Variants in GLIS3 observed in about 807,000 individuals in gnomAD.
GLIS3 encodes the protein zinc finger protein GLIS3.
GLIS3 carries 53 observed loss-of-function variants against 78.6 expected under a neutral mutation model. That is an observed-to-expected ratio of 0.67 (90% CI 0.54 to 0.85). GLIS3 has a LOEUF of 0.85. GLIS3 is among the 40% of genes least tolerant of loss of function. The pLI, the probability that GLIS3 is intolerant of heterozygous loss-of-function variation, is 0.00. For synonymous variants in GLIS3, 684 were observed against 509.9 expected (o/e 1.34, Z -4.60); for missense variants, 1,703 against 1,231.1 (o/e 1.38, Z -5.74).
rs572543001 is a variant in GLIS3 at position 3,843,640 on chromosome 9, T to C, written c.2473+12369A>G. ...ACTAGGCACTGATAAAAATTATGTA[T>C]GTAAGAGTGATTTATAAAACATATA... On this transcript the variant is annotated intron_variant, in intron 9 of 10. Transcript: ENST00000381971. Among the ~76,000 whole-genome samples the C allele has an allele frequency of 2.0e-5, 3 of 152,316 alleles. No homozygotes were observed. The South Asian group carries it at 6.2e-4, about 32-fold the overall frequency.
At chr9:4,319,440 G>C (rs542282538) in intron 2 of GLIS3, among the ~76,000 whole-genome samples, 2 of 152,260 alleles carry the variant, frequency 1.3e-5, no homozygotes, top group East Asian at 3.9e-4. Flanking sequence ...ACTTTTCTGA[G>C]AACTTGACGT....
At chr9:4,262,831 T>C (rs142797104) in intron 2 of GLIS3, among the ~76,000 whole-genome samples, 10 of 151,430 alleles carry the variant, frequency 6.6e-5, no homozygotes, top group East Asian at 1.9e-4. Context: ...AGATATGACT[T>C]CACCGAAAGG....
the GLIS3 span, among the ~76,000 whole-genome samples, chr9:4,414,474 G>A: frequency 1.3e-5 from 2 of 152,174 alleles, no homozygotes; most frequent in African/African-American, 4.8e-5. Flanking sequence ...AGTTGTCTCA[G>A]TGATATTGGG....
the GLIS3 span, among the ~76,000 whole-genome samples, chr9:4,487,688 CT>C: frequency 0.31 from 44,711 of 146,290 alleles, 7,123 homozygotes; most frequent in East Asian, 0.58. Context: ...ATGGTCAACA[CT>C]TTTTTTTTTT....
intron 2 of GLIS3, among the ~76,000 whole-genome samples, chr9:4,132,772 G>A (rs138802187): frequency 7.9e-5 from 12 of 152,258 alleles, no homozygotes; most frequent in South Asian, 2.1e-4. Context: ...ATGATCATAC[G>A]AGAGCAATTT....
the GLIS3 span, among the ~76,000 whole-genome samples, chr9:4,487,984 G>T: frequency 6.6e-6 from 1 of 152,116 alleles, no homozygotes; most frequent in African/African-American, 2.4e-5. Context: ...GAGCCAACAC[G>T]CCCAGCTCTA....
At chr9:4,154,894 T>C (rs1157533795) in intron 2 of GLIS3, among the ~76,000 whole-genome samples, 1 of 152,184 alleles carries the variant, frequency 6.6e-6, no homozygotes, top group Non-Finnish European at 1.5e-5. Context: ...CAAACTTGAC[T>C]AAACAAATTA....
At chr9:4,097,131 T>C (rs4740750) in intron 4 of GLIS3, among the ~76,000 whole-genome samples, 18,252 of 152,230 alleles carry the variant, frequency 0.12, 1,183 homozygotes, top group Non-Finnish European at 0.15. Flanking sequence ...TTCCTCCCAT[T>C]AGGGCCCTAA....
chr9:4,462,910 C>G, the GLIS3 span, among the ~76,000 whole-genome samples: 112 of 152,266 alleles, frequency 7.4e-4, 1 homozygote, highest in African/African-American at 2.6e-3. Flanking sequence ...AAATATTGCA[C>G]TTAAAGTGAT....
the GLIS3 span, among the ~76,000 whole-genome samples, chr9:4,465,812 CAT>C: frequency 2.6e-5 from 4 of 152,150 alleles, no homozygotes; most frequent in Non-Finnish European, 4.4e-5. Flanking sequence ...AACTAAGTAA[CAT>C]GTGGTAGATT....
At chr9:4,358,866 AT>A in the GLIS3 span, among the ~76,000 whole-genome samples, 1 of 152,172 alleles carries the variant, frequency 6.6e-6, no homozygotes, top group Non-Finnish European at 1.5e-5. Flanking sequence ...GAGTCATCTT[AT>A]AGAAGTCAGT....
At chr9:3,972,222 T>A (rs754937372) in intron 4 of GLIS3, among the ~76,000 whole-genome samples, 30 of 152,314 alleles carry the variant, frequency 2.0e-4, no homozygotes, top group Admixed American at 7.2e-4. Context: ...GGTCCTCTTA[T>A]CCCCTCCAGT....
the GLIS3 span, among the ~76,000 whole-genome samples, chr9:4,389,874 A>G: frequency 1.3e-5 from 2 of 152,222 alleles, no homozygotes; most frequent in Non-Finnish European, 2.9e-5. Flanking sequence ...GCCAGGCAGC[A>G]GTGCTCGACA....
intron 2 of GLIS3, among the ~76,000 whole-genome samples, chr9:4,153,588 C>A (rs1367428624): frequency 2.0e-5 from 3 of 151,940 alleles, no homozygotes; most frequent in Non-Finnish European, 2.9e-5. Context: ...TTGTGGAACA[C>A]AGAAGGAAGA....
At chr9:4,390,850 T>G in the GLIS3 span, among the ~76,000 whole-genome samples, 7 of 152,314 alleles carry the variant, frequency 4.6e-5, no homozygotes, top group Non-Finnish European at 8.8e-5. Context: ...AAGATTCATG[T>G]ATGACCCAAA....
At chr9:4,189,485 A>C (rs1235916789) in intron 2 of GLIS3, among the ~76,000 whole-genome samples, 1 of 152,186 alleles carries the variant, frequency 6.6e-6, no homozygotes, top group Non-Finnish European at 1.5e-5. Flanking sequence ...TTTGTGGTGC[A>C]GAGTTCTGTA....
intron 2 of GLIS3, among the ~76,000 whole-genome samples, chr9:4,269,650 ATTATT>A (rs1409948352): frequency 1.3e-5 from 2 of 152,168 alleles, no homozygotes; most frequent in Non-Finnish European, 2.9e-5. Flanking sequence ...TTAAATGCAT[ATTATT>A]TTATTATAAA....
At chr9:4,336,054 C>T (rs1467351964) in intron 2 of GLIS3, among the ~76,000 whole-genome samples, 2 of 152,132 alleles carry the variant, frequency 1.3e-5, no homozygotes, top group Non-Finnish European at 2.9e-5. Context: ...GTCATTACAC[C>T]TCTGTGGGCC....
At chr9:4,131,776 A>G (rs1445830630) in intron 2 of GLIS3, among the ~76,000 whole-genome samples, 1 of 152,138 alleles carries the variant, frequency 6.6e-6, no homozygotes, top group Non-Finnish European at 1.5e-5. Flanking sequence ...ATACAACCTC[A>G]TAAGGTTGTT....
Sources: allele counts gnomAD v4.1 joint callset (sites outside exome capture counted in the v4.1 genomes callset), GRCh38; gene constraint gnomAD v4.1.1; transcripts MANE v1.5; gene names NCBI Gene and HGNC (gene_info 2026-07-23, HGNC 2026-07-21).